The following CACNA1C variants were observed in gnomAD, a reference collection of about 807,000 sequenced individuals.
CACNA1C encodes the protein calcium voltage-gated channel subunit alpha1 C, also known as voltage-dependent L-type calcium channel subunit alpha-1C.
Under a neutral mutation model 229.0 loss-of-function variants are expected in CACNA1C, and 30 were observed. The ratio of observed to expected loss-of-function variants is 0.13; its 90% CI spans 0.10 to 0.18. CACNA1C has a LOEUF of 0.18. CACNA1C is among the 10% of genes least tolerant of loss of function. The probability of loss-of-function intolerance (pLI) is 1.00; values close to 1 mark genes in which losing one functional copy is unlikely to be tolerated. For missense variants in CACNA1C, 1,658 were observed against 2,845.0 expected (o/e 0.58, Z 9.49); for synonymous variants, 1,114 against 1,132.5 (o/e 0.98, Z 0.33).
chr12:2,505,223 TCTC>T (rs1409095234), intron 8 of CACNA1C, among the ~76,000 whole-genome samples: 1 of 152,086 alleles, frequency 6.6e-6, no homozygotes, highest in East Asian at 1.9e-4. Context: ...GCAGGGCACT[TCTC>T]CTTGTGCCTT....
rs148842730 is a variant in CACNA1C at position 2,454,423 on chromosome 12, C to G, written c.618-3144C>G. ...CCTCCCTCTCTCACCCTGACTCCCA[C>G]GATCCCTTCGTCCCACCGCACTCTT... On this transcript the variant is annotated intron_variant, in intron 4 of 46. Transcript: ENST00000399655. Among the ~76,000 whole-genome samples the G allele has an allele frequency of 2.1e-3, 325 of 152,308 alleles. 2 individuals carry two copies. Among genetic ancestry groups the G allele is most frequent in the Non-Finnish European group, 3.6e-3 (248 of 68,022 alleles).
At chr12:2,174,684 A>G (rs2096593143) in intron 3 of CACNA1C, among the ~76,000 whole-genome samples, 1 of 152,232 alleles carries the variant, frequency 6.6e-6, no homozygotes, top group Non-Finnish European at 1.5e-5. Context: ...AAATCTGCAC[A>G]TAAATTTTGA....
At chr12:2,069,410 G>A (rs890397423) in intron 1 of CACNA1C, among the ~76,000 whole-genome samples, 10 of 152,296 alleles carry the variant, frequency 6.6e-5, no homozygotes, top group South Asian at 2.1e-4. Context: ...ACTTGCATGT[G>A]GGGGGTGTGC....
At chr12:2,641,491 C>T (rs1183954299) in intron 30 of CACNA1C, 1 of 567,894 alleles carries the variant, frequency 1.8e-6, no homozygotes, top group Non-Finnish European at 3.2e-6. Context: ...CAGAGGTTAT[C>T]CTTGACATCT....
chr12:2,316,215 G>A (rs2095681445), intron 3 of CACNA1C, among the ~76,000 whole-genome samples: 1 of 152,264 alleles, frequency 6.6e-6, no homozygotes, highest in Admixed American at 6.5e-5. Context: ...GGGCAGAACA[G>A]TTAAAAATTT....
At chr12:2,128,230 T>C (rs2090915214) in intron 3 of CACNA1C, among the ~76,000 whole-genome samples, 1 of 152,228 alleles carries the variant, frequency 6.6e-6, no homozygotes, top group Non-Finnish European at 1.5e-5. Context: ...TTGGGTTCTT[T>C]GCTCTGTTCC....
chr12:2,577,177 A>C (rs2058719816), intron 13 of CACNA1C, among the ~76,000 whole-genome samples: 1 of 152,186 alleles, frequency 6.6e-6, no homozygotes. Context: ...AACAGCACAA[A>C]CAACCATATC....
At chr12:2,661,315 A>AC (rs1491547750) in intron 34 of CACNA1C, among the ~76,000 whole-genome samples, 61 of 144,498 alleles carry the variant, frequency 4.2e-4, no homozygotes, top group African/African-American at 1.4e-3. Context: ...ACACACACAC[A>AC]AGATTTTTCT....
intron 3 of CACNA1C, among the ~76,000 whole-genome samples, chr12:2,396,142 G>A (rs1440077588): frequency 6.6e-6 from 1 of 152,066 alleles, no homozygotes; most frequent in Admixed American, 6.5e-5. Flanking sequence ...CAGCCCCTGG[G>A]TCTGACACTC....
At position 2,602,334 on chromosome 12, in the gene CACNA1C, C is replaced by T. The variant is rs149233569; in HGVS notation, c.2960+374C>T. ...CTGCCGTGACCTCCCCTGACCTGGACCCTCCTTCTCCCTTTCTCTCCCCTC... is the reference window on the plus strand; with the variant it reads ...CTGCCGTGACCTCCCCTGACCTGGATCCTCCTTCTCCCTTTCTCTCCCCTC... On this transcript the variant is annotated intron_variant, in intron 22 of 46. Transcript: ENST00000399655. This position sits in a 1 kb window ranked among gnomAD's most constrained non-coding sequence, Gnocchi z 4.4. 6.7e-4 allele frequency among the ~76,000 whole-genome samples: 102 copies of T among 152,222 alleles called. No homozygotes were observed. In the Middle Eastern group the frequency reaches 0.01, roughly 15 times the overall value.
chr12:2,304,690 A>C (rs1368415631), intron 3 of CACNA1C, among the ~76,000 whole-genome samples: 1 of 152,116 alleles, frequency 6.6e-6, no homozygotes. Flanking sequence ...GGGCACATCC[A>C]GGCCTCCTTG....
chr12:2,461,321 C>G (rs1413597636), intron 5 of CACNA1C, among the ~76,000 whole-genome samples: 1 of 152,204 alleles, frequency 6.6e-6, no homozygotes, highest in Non-Finnish European at 1.5e-5. Flanking sequence ...GCACACTGCT[C>G]TTTCTTAGCT....
At chr12:2,081,797 C>T (rs1333736902) in intron 1 of CACNA1C, among the ~76,000 whole-genome samples, 5 of 151,868 alleles carry the variant, frequency 3.3e-5, no homozygotes, top group Non-Finnish European at 7.4e-5. Flanking sequence ...GTTCTAAGGT[C>T]TTGGTATTTT....
chr12:2,042,658 T>C (rs1237715182), intron 1 of CACNA1C, among the ~76,000 whole-genome samples: 1 of 152,122 alleles, frequency 6.6e-6, no homozygotes, highest in Non-Finnish European at 1.5e-5. Context: ...CAGGTGTGCT[T>C]CTCTGCTGAA....
At chr12:2,656,901 C>T (rs1179200632) in intron 34 of CACNA1C, among the ~76,000 whole-genome samples, 1 of 152,186 alleles carries the variant, frequency 6.6e-6, no homozygotes, top group Non-Finnish European at 1.5e-5. Context: ...TCATCATTAG[C>T]ATTAGACTTC....
At position 2,115,264 on chromosome 12, in the gene CACNA1C, GA is replaced by G; in HGVS notation, c.92del (p.Asn31MetfsTer34). 1 of 1,591,892 alleles carries G rather than the reference GA, an allele frequency of 6.3e-7. No homozygotes were observed. Among genetic ancestry groups the G allele is most frequent in the African/African-American group, 1.3e-5 (1 of 74,480 alleles). ...GCCCACGCCCCGCCCATGCCAACAT[GA>G]ATGCCAATGCGGCAGCGGGGCTGGC... ...GSPRPAHANM[N>X]ANAAAGLAPE... On this transcript the variant is annotated frameshift_variant, in exon 2 of 47. Coordinates refer to ENST00000399655, the MANE Select transcript of CACNA1C (RefSeq NM_000719.7). LOFTEE classifies it high-confidence loss of function.
intron 3 of CACNA1C, among the ~76,000 whole-genome samples, chr12:2,178,720 G>A (rs768384992): frequency 6.6e-5 from 10 of 152,134 alleles, no homozygotes; most frequent in Non-Finnish European, 1.3e-4. Flanking sequence ...AACAGGACCC[G>A]TGATTGTGAT....
At chr12:1,984,722 A>G (rs1380811918) in intron 1 of CACNA1C, among the ~76,000 whole-genome samples, 1 of 132,840 alleles carries the variant, frequency 7.5e-6, no homozygotes, top group Admixed American at 8.6e-5. Flanking sequence ...CTTTGATATT[A>G]TTCCTTCCAG....
intron 3 of CACNA1C, among the ~76,000 whole-genome samples, chr12:2,123,657 G>A (rs1321170947): frequency 3.3e-5 from 5 of 152,258 alleles, no homozygotes; most frequent in African/African-American, 1.2e-4. Flanking sequence ...TCCCTTGGCC[G>A]GGTTGATGGC....
Sources: allele counts gnomAD v4.1 joint callset (sites outside exome capture counted in the v4.1 genomes callset), GRCh38; gene constraint gnomAD v4.1.1; non-coding constraint Gnocchi (gnomAD v3.1); transcripts MANE v1.5; gene names NCBI Gene and HGNC (gene_info 2026-07-23, HGNC 2026-07-21).